The following CHMP3 variants were observed in gnomAD, a reference collection of about 807,000 sequenced individuals.
CHMP3 encodes charged multivesicular body protein 3.
Under a neutral mutation model 27.4 loss-of-function variants are expected in CHMP3, and 8 were observed. The ratio of observed to expected loss-of-function variants is 0.29; its 90% CI spans 0.17 to 0.53. CHMP3 has a LOEUF of 0.53. Ranked by LOEUF, CHMP3 falls within the 20% of genes least tolerant of loss-of-function variation. The pLI, the probability that CHMP3 is intolerant of heterozygous loss-of-function variation, is 0.96. For missense variants in CHMP3, 208 were observed against 271.5 expected, an observed-to-expected ratio of 0.77 and a Z score of 1.64; for synonymous variants, 86 against 85.5, an observed-to-expected ratio of 1.01 and a Z score of -0.03.
intron 2 of CHMP3, among the ~76,000 whole-genome samples, chr2:86,530,423 ACTTC>A (rs992879573): frequency 4.6e-5 from 7 of 152,190 alleles, no homozygotes; most frequent in Non-Finnish European, 8.8e-5. Context: ...TACCCTTGGT[ACTTC>A]CTTTAAGTGG....
chr2:86,562,066 C>A (rs1003609528), intron 1 of CHMP3: 6 of 152,138 alleles, frequency 3.9e-5, no homozygotes, highest in Non-Finnish European at 8.8e-5. Context: ...CATTTAAGCG[C>A]CACAATTTTT....
intron 1 of CHMP3, 126 bp from the exon 2 acceptor site, chr2:86,542,438 C>G (rs762620398): frequency 3.2e-6 from 3 of 948,818 alleles, no homozygotes; most frequent in African/African-American, 3.3e-5. Context: ...TTTTCAAAGA[C>G]AGAGCTTTAG....
chr2:86,550,123 C>G (rs1262756890), intron 1 of CHMP3, among the ~76,000 whole-genome samples: 1 of 152,224 alleles, frequency 6.6e-6, no homozygotes, highest in Non-Finnish European at 1.5e-5. Context: ...CGTCTGCAAT[C>G]CCAGCACCCC....
At chr2:86,527,789 C>G (rs187790310) in intron 3 of CHMP3, among the ~76,000 whole-genome samples, 1 of 151,930 alleles carries the variant, frequency 6.6e-6, no homozygotes. Flanking sequence ...GGCGAAACCC[C>G]GTCTCTACTA....
intron 1 of CHMP3, among the ~76,000 whole-genome samples, chr2:86,553,336 A>G (rs1676985437): frequency 6.6e-6 from 1 of 152,026 alleles, no homozygotes; most frequent in African/African-American, 2.4e-5. Context: ...GGGGATATTT[A>G]TTTATTTATT....
rs190077225 is a variant in CHMP3, at chr2:86,513,730, C to T, written c.287-3251G>A. ...GTGAAATCAAGAGTAATAGAAGGGT[C>T]GTCTGCATTCAAGATTGCCATTTGT... On this transcript the variant is annotated intron_variant, in intron 3 of 5. Coordinates refer to ENST00000263856, the MANE Select transcript of CHMP3 (RefSeq NM_016079.4). Among the ~76,000 whole-genome samples, 113 of 152,278 alleles carry T rather than the reference C, an allele frequency of 7.4e-4. 1 individual carries two copies. Among genetic ancestry groups the T allele is most frequent in the East Asian group, 4.4e-3 (23 of 5,178 alleles).
intron 2 of CHMP3, among the ~76,000 whole-genome samples, chr2:86,540,221 A>G (rs186406451): frequency 6.6e-6 from 1 of 152,208 alleles, no homozygotes; most frequent in East Asian, 1.9e-4. Flanking sequence ...TGGATCTGCA[A>G]GCTTAATAGT....
At chr2:86,514,497 TG>T (rs1675221654) in intron 3 of CHMP3, among the ~76,000 whole-genome samples, 1 of 152,200 alleles carries the variant, frequency 6.6e-6, no homozygotes, top group South Asian at 2.1e-4. Context: ...AAGACCACAG[TG>T]GATTCACATT....
intron 4 of CHMP3, among the ~76,000 whole-genome samples, chr2:86,508,300 C>T (rs1017331625): frequency 1.3e-5 from 2 of 152,228 alleles, no homozygotes; most frequent in African/African-American, 4.8e-5. Context: ...CTGCAGGACA[C>T]AAGCAAATGG....
intron 1 of CHMP3, among the ~76,000 whole-genome samples, chr2:86,553,183 C>T (rs1246022504): frequency 1.3e-5 from 2 of 151,350 alleles, no homozygotes; most frequent in African/African-American, 2.4e-5. Flanking sequence ...GCACATACAC[C>T]CTTGAACTTA....
At chr2:86,522,401 A>AAC (rs1229907763) in intron 3 of CHMP3, among the ~76,000 whole-genome samples, 1 of 152,152 alleles carries the variant, frequency 6.6e-6, no homozygotes, top group African/African-American at 2.4e-5. Flanking sequence ...CCAACAAGCA[A>AAC]CACTCCACTA....
At chr2:86,507,623 A>T in intron 4 of CHMP3, 30 bp from the exon 5 acceptor site, 1 of 1,597,458 alleles carries the variant, frequency 6.3e-7, no homozygotes. Flanking sequence ...CACTTCGGTC[A>T]ACTGTTAAAT....
intron 3 of CHMP3, among the ~76,000 whole-genome samples, chr2:86,516,080 G>A (rs532655862): frequency 2.7e-5 from 4 of 150,320 alleles, no homozygotes; most frequent in Non-Finnish European, 4.4e-5. Flanking sequence ...CCCGGGAGGC[G>A]GAGACTGCAG....
At chr2:86,549,589 C>T (rs1351680849) in intron 1 of CHMP3, among the ~76,000 whole-genome samples, 1 of 148,184 alleles carries the variant, frequency 6.7e-6, no homozygotes, top group African/African-American at 2.5e-5. Context: ...ACGCCCCTCC[C>T]CTCCCAGAAG....
At chr2:86,533,029 A>G (rs775436532) in intron 2 of CHMP3, among the ~76,000 whole-genome samples, 1 of 152,198 alleles carries the variant, frequency 6.6e-6, no homozygotes, top group Admixed American at 6.5e-5. Context: ...GTTTGATAGA[A>G]TTTACCAGTG....
chr2:86,548,620 C>CTTTCTTTTCCCCACATTTCCCCCT (rs1676713350), intron 1 of CHMP3, among the ~76,000 whole-genome samples: 2 of 152,156 alleles, frequency 1.3e-5, no homozygotes, highest in Non-Finnish European at 2.9e-5. Flanking sequence ...TCTGATCTGT[C>CTTTCTTTTCCCCACATTTCCCCCT]TTTCTTTTCC....
At chr2:86,549,415 C>T (rs182645480) in intron 1 of CHMP3, among the ~76,000 whole-genome samples, 1,870 of 142,950 alleles carry the variant, frequency 0.013, 63 homozygotes, top group Admixed American at 0.067. Flanking sequence ...CCAGACGGGG[C>T]GGCCGGGCAG....
intron 1 of CHMP3, among the ~76,000 whole-genome samples, chr2:86,546,030 G>T (rs972778783): frequency 1.3e-5 from 2 of 152,220 alleles, no homozygotes; most frequent in Non-Finnish European, 2.9e-5. Flanking sequence ...GGTGGAGGTT[G>T]TAGCGAGCTG....
At chr2:86,509,772 A>G (rs930486687) in intron 4 of CHMP3, among the ~76,000 whole-genome samples, 9 of 152,198 alleles carry the variant, frequency 5.9e-5, no homozygotes, top group African/African-American at 2.2e-4. Context: ...AAAAATCCCT[A>G]CTTCTCACGA....
Sources: allele counts gnomAD v4.1 joint callset (sites outside exome capture counted in the v4.1 genomes callset), GRCh38; gene constraint gnomAD v4.1.1; transcripts MANE v1.5; gene names NCBI Gene and HGNC (gene_info 2026-07-23, HGNC 2026-07-21).